The following UTS2 variants were observed in gnomAD, a reference collection of about 807,000 sequenced individuals.
The protein encoded by UTS2 is urotensin 2.
In UTS2, 10 loss-of-function variants were observed where a neutral mutation model predicts 12.6. The observed-to-expected ratio is 0.80, with a 90% CI of 0.49 to 1.35. The LOEUF (loss-of-function observed/expected upper bound fraction) is 1.35. Among genes scored for constraint, UTS2 ranks in the 40% most tolerant of loss-of-function variants. The pLI is 0.00. For missense variants in UTS2, 142 were observed against 143.2 expected (o/e 0.99, Z 0.04); for synonymous variants, 52 against 50.0 (o/e 1.04, Z -0.17).
chr1:7,902,368 G>A, the UTS2 span, among the ~76,000 whole-genome samples: 1 of 152,130 alleles, frequency 6.6e-6, no homozygotes, highest in African/African-American at 2.4e-5. Context: ...GCGGGAAGTC[G>A]GGGAAGTTCT....
At chr1:7,881,297 A>G in the UTS2 span, among the ~76,000 whole-genome samples, 3 of 152,230 alleles carry the variant, frequency 2.0e-5, no homozygotes, top group African/African-American at 7.2e-5. Flanking sequence ...CAGAGCAATC[A>G]GGCAAGAGAA....
At chr1:7,856,526 G>A (rs1004925520), upstream of UTS2, among the ~76,000 whole-genome samples, 15 of 44,798 alleles carry the variant, frequency 3.3e-4, no homozygotes, top group Admixed American at 9.8e-4. Context: ...CGTGGCCTCC[G>A]AGGAGGAGGA....
Position 7,847,718 on chromosome 1 carries a change from A to G in UTS2, c.*48T>C, listed in dbSNP as rs939376863. 1 of 1,417,272 alleles carries G rather than the reference A, an allele frequency of 7.1e-7. No individual in the cohort carries two copies. The highest frequency in any genetic ancestry group is 1.4e-5 in the African/African-American group (1 of 69,956). The allele number at this position is 1,417,272 out of a possible 1,614,324, so 87.8% of individuals were successfully genotyped here. A position where few individuals can be genotyped will look rare whatever the true frequency, so the allele number is the denominator to read the frequency against. ...AATCAAGCATTGTGTTATTTTTCAT[A>G]TTCTAAGATGGGTGTTTCTGAGCTG... On this transcript the variant is annotated 3_prime_UTR_variant, in exon 4 of 4. Coordinates refer to ENST00000361696, the MANE Select transcript of UTS2 (RefSeq NM_006786.4).
chr1:7,896,850 C>T, the UTS2 span, among the ~76,000 whole-genome samples: 80 of 152,186 alleles, frequency 5.3e-4, no homozygotes, highest in African/African-American at 1.8e-3. Context: ...TGCGTGCCCC[C>T]ATGCCTGGCT....
At chr1:7,860,969 G>A in the UTS2 span, among the ~76,000 whole-genome samples, 2 of 148,662 alleles carry the variant, frequency 1.3e-5, no homozygotes, top group African/African-American at 2.5e-5. Context: ...TTGAACCTGT[G>A]AGGCAGAAGT....
the UTS2 span, among the ~76,000 whole-genome samples, chr1:7,860,074 C>T: frequency 9.1e-4 from 139 of 152,222 alleles, no homozygotes; most frequent in Non-Finnish European, 1.7e-3. Flanking sequence ...TAATGTTATT[C>T]TCTCACTCAT....
chr1:7,907,641 TAAAAA>T, the UTS2 span, among the ~76,000 whole-genome samples: 1 of 131,582 alleles, frequency 7.6e-6, no homozygotes, highest in African/African-American at 2.8e-5. Context: ...ACCATGTCTC[TAAAAA>T]AAAAAAAAAA....
upstream of UTS2, chr1:7,853,597 T>C (rs547707514): frequency 3.3e-6 from 3 of 915,076 alleles, no homozygotes; most frequent in East Asian, 5.3e-5. Flanking sequence ...AAGACAATTC[T>C]GTACATACAC....
the UTS2 span, among the ~76,000 whole-genome samples, chr1:7,861,048 A>G: frequency 6.6e-5 from 10 of 151,526 alleles, no homozygotes; most frequent in East Asian, 1.6e-3. Context: ...TCTCAAAAAA[A>G]AAAAAAAAAA....
Position 7,847,750 on chromosome 1 carries a change from A to G in UTS2, c.*16T>C, listed in dbSNP as rs1424993449. ...GATGGGTGTTTCTGAGCTGACTAAC[A>G]GATGCTTATTTCACTTCAGACACAG... On this transcript the variant is annotated 3_prime_UTR_variant, in exon 4 of 4. Transcript: ENST00000361696. 1.3e-6 allele frequency: 2 copies of G among 1,569,042 alleles called. No homozygotes were observed. Among genetic ancestry groups the G allele is most frequent in the African/African-American group, 1.4e-5 (1 of 73,844 alleles).
the UTS2 span, among the ~76,000 whole-genome samples, chr1:7,880,432 G>A: frequency 6.9e-6 from 1 of 144,024 alleles, no homozygotes; most frequent in South Asian, 2.4e-4. Flanking sequence ...GAGGGGGGAG[G>A]GGGGCGGCGA....
chr1:7,900,148 G>A, the UTS2 span, among the ~76,000 whole-genome samples: 842 of 150,406 alleles, frequency 5.6e-3, 9 homozygotes, highest in South Asian at 0.018. Context: ...TGTAATTCCA[G>A]CACTTTGGGA....
the UTS2 span, among the ~76,000 whole-genome samples, chr1:7,878,124 A>G: frequency 1.3e-5 from 2 of 152,364 alleles, no homozygotes; most frequent in East Asian, 3.9e-4. Context: ...GAATCAGACA[A>G]TATGTTCACA....
Position 7,847,716 on chromosome 1 carries a change from A to G in UTS2, c.*50T>C. 7.1e-7 allele frequency: 1 copy of G among 1,398,710 alleles called. No homozygotes were observed. The allele number at this position is 1,398,710 out of a possible 1,614,324, so 86.6% of individuals were successfully genotyped here. On this transcript the variant is annotated 3_prime_UTR_variant, in exon 4 of 4. Coordinates refer to ENST00000361696, the MANE Select transcript of UTS2 (RefSeq NM_006786.4). The stretch of plus-strand genomic sequence containing the variant: ...CAAATCAAGCATTGTGTTATTTTTC[A>G]TATTCTAAGATGGGTGTTTCTGAGC...
upstream of UTS2, among the ~76,000 whole-genome samples, chr1:7,855,865 G>GTT (rs35981603): frequency 6.9e-5 from 10 of 145,080 alleles, no homozygotes; most frequent in Admixed American, 4.1e-4. Flanking sequence ...CGCTCAGCTA[G>GTT]TTTTTTTTTT....
At chr1:7,895,474 G>T in the UTS2 span, among the ~76,000 whole-genome samples, 575 of 152,250 alleles carry the variant, frequency 3.8e-3, 5 homozygotes, top group African/African-American at 0.013. Context: ...GGAACAGAGT[G>T]ATTCAAAGCT....
chr1:7,877,141 AAG>A, the UTS2 span, among the ~76,000 whole-genome samples: 1,037 of 54,986 alleles, frequency 0.019, 38 homozygotes, highest in African/African-American at 0.062. Context: ...AAAAAAAAAA[AAG>A]AAAAAAAAAA....
chr1:7,901,234 A>G, the UTS2 span, among the ~76,000 whole-genome samples: 31,490 of 152,178 alleles, frequency 0.21, 7,297 homozygotes, highest in East Asian at 0.56. Flanking sequence ...CTATTGGAAG[A>G]CTACTGCAGT....
chr1:7,853,322 A>G, upstream of UTS2: 1 of 1,614,180 alleles, frequency 6.2e-7, no homozygotes, highest in Non-Finnish European at 8.5e-7. Flanking sequence ...TAAATCATGA[A>G]TTAAAGGAAG....
Sources: allele counts gnomAD v4.1 joint callset (sites outside exome capture counted in the v4.1 genomes callset), GRCh38; gene constraint gnomAD v4.1.1; transcripts MANE v1.5; gene names NCBI Gene and HGNC (gene_info 2026-07-23, HGNC 2026-07-21).